Variants in POLR2D observed in about 807,000 individuals in gnomAD.
The protein encoded by POLR2D is DNA-directed RNA polymerase II subunit RPB4.
Under a neutral mutation model 17.6 loss-of-function variants are expected in POLR2D, and 10 were observed. That is an observed-to-expected ratio of 0.57 (90% CI 0.35 to 0.96). The LOEUF (loss-of-function observed/expected upper bound fraction) is 0.96. POLR2D is among the 40% of genes least tolerant of loss of function. POLR2D has a pLI of 0.02. For missense variants in POLR2D, 126 were observed against 176.4 expected (o/e 0.71, Z 1.62); for synonymous variants, 52 against 60.2 (o/e 0.86, Z 0.63).
chr2:127,846,987 A>C lies in POLR2D; in HGVS notation c.*1120T>G, dbSNP rs1690167845. On this transcript the variant is annotated 3_prime_UTR_variant, in exon 4 of 4. Coordinates refer to ENST00000272645, the MANE Select transcript of POLR2D (RefSeq NM_004805.4). ...TTTCTTAGTAGCCTTGTCATTGGGC[A>C]CACAACAACCACAGTTCATACAGCA... 1 of 152,742 alleles carries C rather than the reference A, an allele frequency of 6.5e-6. No individual in the cohort carries two copies. The allele number at this position is 152,742 out of a possible 1,614,324, so 9.5% of individuals were successfully genotyped here. A position where few individuals can be genotyped will look rare whatever the true frequency, so the allele number is the denominator to read the frequency against.
rs138086421 is a variant in POLR2D at position 127,852,607 on chromosome 2, C to T, written c.254+318G>A. ...GTTGCGCAATCTCGGCTCACTGCAA[C>T]CTTGGCCTACAGATTCAAGCGATTC... is the stretch of plus-strand genomic sequence containing the variant. On this transcript the variant is annotated intron_variant, in intron 2 of 3. Transcript: ENST00000272645. This position sits in a 1 kb window ranked among gnomAD's most constrained non-coding sequence, Gnocchi z 4.0. Among the ~76,000 whole-genome samples, 1 of 152,310 alleles carries T rather than the reference C, an allele frequency of 6.6e-6. No homozygotes were observed. Among genetic ancestry groups the T allele is most frequent in the African/African-American group, 2.4e-5 (1 of 41,566 alleles).
At chr2:127,855,800 C>CAT (rs879807772) in intron 1 of POLR2D, among the ~76,000 whole-genome samples, 1 of 130,428 alleles carries the variant, frequency 7.7e-6, no homozygotes, top group African/African-American at 3.6e-5. Context: ...CACGCGCGCA[C>CAT]ATACACACAC....
chr2:127,846,785 T>C lies in POLR2D; in HGVS notation c.*1322A>G. 1 of 159,130 alleles carries C rather than the reference T, an allele frequency of 6.3e-6. No individual in the cohort carries two copies. Among genetic ancestry groups the C allele is most frequent in the Non-Finnish European group, 1.4e-5 (1 of 71,772 alleles). The allele number at this position is 159,130 out of a possible 1,614,324, so 9.9% of individuals were successfully genotyped here. A position where few individuals can be genotyped will look rare whatever the true frequency, so the allele number is the denominator to read the frequency against. ...CAGCACCTGCAGGTCTACGTTGGGG[T>C]GGAGGTGTTCGGTCCTTGCCTGCTT... On this transcript the variant is annotated 3_prime_UTR_variant, in exon 4 of 4. Coordinates refer to ENST00000272645, the MANE Select transcript of POLR2D (RefSeq NM_004805.4).
chr2:127,850,599 A>G lies in POLR2D; in HGVS notation c.341T>C (p.Leu114Pro). Residue 114 changes from leucine (L) to proline (P), a missense_variant, in exon 3 of 4, where the codon CTA (leucine) becomes CCA (proline). Physicochemically the swap from Leu to Pro is moderately conservative, Grantham distance 98 (BLOSUM62 -3). Transcript: ENST00000272645. ...CPETAEESKA[L>P]IPSLEGRFED... The stretch of plus-strand genomic sequence containing the variant: ...CACAACTGGTACTAACCTTGGGATT[A>G]GAGCCTTGGACTCCTCAGCAGTCTC... The G allele has an allele frequency of 1.3e-6, 2 of 1,503,570 alleles. No individual in the cohort carries two copies. The highest frequency in any genetic ancestry group is 1.8e-6 in the Non-Finnish European group (2 of 1,093,140). 93.1% of individuals were successfully genotyped at this position (1,503,570 alleles called of 1,614,324 possible).
chr2:127,843,714 A>G lies in POLR2D; in HGVS notation c.*4393T>C, dbSNP rs1043863811. ...ATGTGCCCCCTCCCACCCAATTGAT[A>G]CATTGAACCCATCACTGATGTAGTA... is the stretch of plus-strand genomic sequence containing the variant. On this transcript the variant is annotated 3_prime_UTR_variant, in exon 4 of 4. Transcript: ENST00000272645. 6.5e-6 allele frequency: 1 copy of G among 153,092 alleles called. No homozygotes were observed. Among genetic ancestry groups the G allele is most frequent in the Non-Finnish European group, 1.5e-5 (1 of 68,028 alleles). 9.5% of individuals were successfully genotyped at this position (153,092 alleles called of 1,614,324 possible).
At chr2:127,857,215 C>A in intron 1 of POLR2D, 1 of 152,080 alleles carries the variant, frequency 6.6e-6, no homozygotes, top group Non-Finnish European at 1.5e-5. Context: ...ACTTGGGAGG[C>A]TGAGGTGGGA....
At chr2:127,851,166 A>C (rs946077767) in intron 2 of POLR2D, among the ~76,000 whole-genome samples, 4 of 152,192 alleles carry the variant, frequency 2.6e-5, no homozygotes, top group Admixed American at 6.5e-5. Context: ...CAGTGAGCCA[A>C]GATCACGCCA....
At position 127,853,081 on chromosome 2, in the gene POLR2D, A is replaced by C. The variant is rs1484036078; in HGVS notation, c.98T>G (p.Leu33Arg). The C allele has an allele frequency of 6.2e-7, 1 of 1,613,624 alleles. No individual in the cohort carries two copies. The highest frequency in any genetic ancestry group is 8.5e-7 in the Non-Finnish European group (1 of 1,179,736). The stretch of plus-strand genomic sequence containing the variant: ...CAGAAGCATATGAACTTCTGAATTT[A>C]GAAGTGTCTCAGCTGTTTCAAACTC... ...PKEFETAETL[L>R]NSEVHMLLEH... The change falls in exon 2 of 4, where the codon CTA (leucine) becomes CGA (arginine). Residue 33 changes from leucine to arginine, a missense_variant. By Grantham distance (102) the Leu-to-Arg change is moderately radical. Coordinates refer to ENST00000272645, the MANE Select transcript of POLR2D (RefSeq NM_004805.4).
chr2:127,856,598 A>T lies in POLR2D; in HGVS notation c.73+1430T>A, dbSNP rs138644974. Among the ~76,000 whole-genome samples the T allele has an allele frequency of 5.6e-3, 804 of 142,486 alleles. 11 individuals carry two copies. Among genetic ancestry groups the T allele is most frequent in the African/African-American group, 0.021 (714 of 33,956 alleles). 93.5% of individuals were successfully genotyped at this position (142,486 alleles called of 152,430 possible). ...TGAAACCCTATCTCAAAATAAAATT[A>T]AAAAAAAAATTAAAAAAAATAAATT... On this transcript the variant is annotated intron_variant, in intron 1 of 3. Coordinates refer to ENST00000272645, the MANE Select transcript of POLR2D (RefSeq NM_004805.4).
Position 127,852,909 on chromosome 2 carries a change from T to A in POLR2D, c.254+16A>T, listed in dbSNP as rs1359359859. 4.4e-6 allele frequency: 7 copies of A among 1,594,956 alleles called. No individual in the cohort carries two copies. The Admixed American group carries it at 1.2e-4, about 27-fold the overall frequency. Reference sequence around the variant, plus strand: ...CCAATGGTTTGGATTAATAAAAACTTTCTTTTAGCACTCACCTACGAACAC... The same window carrying A: ...CCAATGGTTTGGATTAATAAAAACTATCTTTTAGCACTCACCTACGAACAC... On this transcript the variant is annotated intron_variant, in intron 2 of 3. Transcript: ENST00000272645. The surrounding 1 kb of genome is among the most constrained non-coding windows in gnomAD (Gnocchi z 4.0).
Position 127,845,339 on chromosome 2 carries a change from G to C in POLR2D, c.*2768C>G, listed in dbSNP as rs77758280. The C allele has an allele frequency of 4.7e-5, 7 of 148,422 alleles. No homozygotes were observed. The East Asian group carries it at 1.4e-3, about 29-fold the overall frequency. 9.2% of individuals were successfully genotyped at this position (148,422 alleles called of 1,614,324 possible). ...GCAAATTCATCAAGCATTAAAAAACGAAAGTTAACTGTAGATTTGGGTAAG... is the reference window on the plus strand; with the variant it reads ...GCAAATTCATCAAGCATTAAAAAACCAAAGTTAACTGTAGATTTGGGTAAG... On this transcript the variant is annotated 3_prime_UTR_variant, in exon 4 of 4. Coordinates refer to ENST00000272645, the MANE Select transcript of POLR2D (RefSeq NM_004805.4).
In POLR2D at chr2:127,847,740, T is replaced by C. The variant is rs1161474115; in HGVS notation, c.*367A>G. 3 of 230,306 alleles carry C rather than the reference T, an allele frequency of 1.3e-5. No individual in the cohort carries two copies. Among genetic ancestry groups the C allele is most frequent in the Non-Finnish European group, 2.6e-5 (3 of 116,140 alleles). 14.3% of individuals were successfully genotyped at this position (230,306 alleles called of 1,614,324 possible). ...TAAAGTCTACTATCTTCTGGTCTAG[T>C]TTCAAAAAGTATAAACACCCTGAAA... is the stretch of plus-strand genomic sequence containing the variant. On this transcript the variant is annotated 3_prime_UTR_variant, in exon 4 of 4. Coordinates refer to ENST00000272645, the MANE Select transcript of POLR2D (RefSeq NM_004805.4).
chr2:127,846,861 T>TA lies in POLR2D; in HGVS notation c.*1245dup, dbSNP rs1690165162. ...GCTGTGAATGGCACAACTCACATGG[T>TA]AATGTAGCTTCACATCCAGCCTGGG... On this transcript the variant is annotated 3_prime_UTR_variant, in exon 4 of 4. Transcript: ENST00000272645. The TA allele has an allele frequency of 6.5e-6, 1 of 153,872 alleles. No individual in the cohort carries two copies. The highest frequency in any genetic ancestry group is 2.4e-5 in the African/African-American group (1 of 41,458). The allele number at this position is 153,872 out of a possible 1,614,324, so 9.5% of individuals were successfully genotyped here.
chr2:127,846,337 CA>C lies in POLR2D; in HGVS notation c.*1769del, dbSNP rs1690156270. On this transcript the variant is annotated 3_prime_UTR_variant, in exon 4 of 4. Coordinates refer to ENST00000272645, the MANE Select transcript of POLR2D (RefSeq NM_004805.4). ...AAACCATCCTGATTTTAAAAGCCAA[CA>C]CTGTTCTTTCTCCTTTTTCCTTGGA... The C allele has an allele frequency of 6.6e-6, 1 of 152,080 alleles. No individual in the cohort carries two copies. Among genetic ancestry groups the C allele is most frequent in the Non-Finnish European group, 1.5e-5 (1 of 68,014 alleles). 9.4% of individuals were successfully genotyped at this position (152,080 alleles called of 1,614,324 possible).
Position 127,846,568 on chromosome 2 carries a change from G to C in POLR2D, c.*1539C>G, listed in dbSNP as rs1478144098. On this transcript the variant is annotated 3_prime_UTR_variant, in exon 4 of 4. Coordinates refer to ENST00000272645, the MANE Select transcript of POLR2D (RefSeq NM_004805.4). ...ATAAAGCACTTATTGCTAATTAGCA[G>C]GCCAGAGGCTTAGACTGGATCTCTC... 1 of 152,020 alleles carries C rather than the reference G, an allele frequency of 6.6e-6. No individual in the cohort carries two copies. Among genetic ancestry groups the C allele is most frequent in the East Asian group, 1.9e-4 (1 of 5,202 alleles). The allele number at this position is 152,020 out of a possible 1,614,324, so 9.4% of individuals were successfully genotyped here. A position where few individuals can be genotyped will look rare whatever the true frequency, so the allele number is the denominator to read the frequency against.
Position 127,853,072 on chromosome 2 carries a change from T to C in POLR2D, c.107A>G (p.Glu36Gly). The stretch of plus-strand genomic sequence containing the variant: ...TCGATGTTCCAGAAGCATATGAACT[T>C]CTGAATTTAGAAGTGTCTCAGCTGT... ...FETAETLLNS[E>G]VHMLLEHRKQ... Residue 36 changes from glutamate (E) to glycine (G), a missense_variant, in exon 2 of 4, where the codon GAA (glutamate) becomes GGA (glycine). Physicochemically the swap from Glu to Gly is moderately conservative, Grantham distance 98 (BLOSUM62 -2). Around this residue, in one of 2 missense-constraint regions of POLR2D, gnomAD observed 85 missense variants for 151.4 expected, o/e 0.56. Coordinates refer to ENST00000272645, the MANE Select transcript of POLR2D (RefSeq NM_004805.4). 6.2e-7 allele frequency: 1 copy of C among 1,613,914 alleles called. No homozygotes were observed. Among genetic ancestry groups the C allele is most frequent in the Non-Finnish European group, 8.5e-7 (1 of 1,179,878 alleles).
At position 127,847,848 on chromosome 2, in the gene POLR2D, C is replaced by G; in HGVS notation, c.*259G>C. ...GTAGTCAACAGTGTGGTTATGTGAC[C>G]CCTCATCTCACACTTCGCAGAGGCA... On this transcript the variant is annotated 3_prime_UTR_variant, in exon 4 of 4. Coordinates refer to ENST00000272645, the MANE Select transcript of POLR2D (RefSeq NM_004805.4). 1 of 490,144 alleles carries G rather than the reference C, an allele frequency of 2.0e-6. No individual in the cohort carries two copies. Among genetic ancestry groups the G allele is most frequent in the Non-Finnish European group, 3.7e-6 (1 of 272,604 alleles). The allele number at this position is 490,144 out of a possible 1,614,324, so 30.4% of individuals were successfully genotyped here.
At chr2:127,857,110 T>TGA (rs2104728525) in intron 1 of POLR2D, 1 of 152,154 alleles carries the variant, frequency 6.6e-6, no homozygotes, top group Non-Finnish European at 1.5e-5. Context: ...CCCAGGAGTT[T>TGA]GAGACCAGCC....
At position 127,846,716 on chromosome 2, in the gene POLR2D, TAAC is replaced by T. The variant is rs1282353250; in HGVS notation, c.*1388_*1390del. On this transcript the variant is annotated 3_prime_UTR_variant, in exon 4 of 4. Coordinates refer to ENST00000272645, the MANE Select transcript of POLR2D (RefSeq NM_004805.4). ...TCCAGAGAAGTTTTTCTTCAGTCCT[TAAC>T]AACTCCGCTCCTTATATGGGCTTTG... 1 of 154,612 alleles carries T rather than the reference TAAC, an allele frequency of 6.5e-6. No homozygotes were observed. The highest frequency in any genetic ancestry group is 1.4e-5 in the Non-Finnish European group (1 of 69,032). The allele number at this position is 154,612 out of a possible 1,614,324, so 9.6% of individuals were successfully genotyped here.
Sources: allele counts gnomAD v4.1 joint callset (sites outside exome capture counted in the v4.1 genomes callset), GRCh38; gene constraint gnomAD v4.1.1; regional missense constraint gnomAD v4.1.1; non-coding constraint Gnocchi (gnomAD v3.1); transcripts MANE v1.5; gene names NCBI Gene and HGNC (gene_info 2026-07-23, HGNC 2026-07-21).